RAB7A: variants seen among roughly 807,000 people sequenced by gnomAD.
RAB7A encodes the protein RAB7A, member RAS oncogene family, also known as ras-related protein Rab-7a.
Under a neutral mutation model 24.5 loss-of-function variants are expected in RAB7A, and 2 were observed. The observed-to-expected ratio is 0.08, with a 90% confidence interval of 0.03 to 0.26. RAB7A has a LOEUF of 0.26. RAB7A is among the 10% of genes least tolerant of loss of function. The probability of loss-of-function intolerance (pLI) is 1.00; values close to 1 mark genes in which losing one functional copy is unlikely to be tolerated. For missense variants in RAB7A, 118 were observed against 255.7 expected, an observed-to-expected ratio of 0.46 and a Z score of 3.67; for synonymous variants, 100 against 95.9, an observed-to-expected ratio of 1.04 and a Z score of -0.25.
chr3:128,749,971 G>A (rs561777903), intron 1 of RAB7A, among the ~76,000 whole-genome samples: 12 of 152,336 alleles, frequency 7.9e-5, no homozygotes, highest in African/African-American at 2.6e-4. Context: ...TGGGTAACAG[G>A]CAGAGATTTG....
intron 5 of RAB7A, among the ~76,000 whole-genome samples, chr3:128,811,817 C>G (rs1933933328): frequency 6.6e-6 from 1 of 151,336 alleles, no homozygotes; most frequent in African/African-American, 2.4e-5. Context: ...CCATTGCACT[C>G]CAGCCTGGGC....
In RAB7A at chr3:128,807,494, G is replaced by T. The variant is rs547411602; in HGVS notation, c.400-49G>T. ...ACTTCCTGGGGAGGATGGAGTCAGT[G>T]CTGGCTGCTTCTGTCATGAGCCTAT... On this transcript the variant is annotated intron_variant, in intron 4 of 5. Transcript: ENST00000265062. 6.4e-4 allele frequency: 1,036 copies of T among 1,612,426 alleles called. 7 individuals carry two copies. In the African/African-American group the frequency reaches 0.012, roughly 19 times the overall value.
At chr3:128,739,482 C>T (rs190842514) in intron 1 of RAB7A, among the ~76,000 whole-genome samples, 13 of 150,460 alleles carry the variant, frequency 8.6e-5, no homozygotes, top group Admixed American at 6.6e-4. Flanking sequence ...CACTGCACTC[C>T]AGCCTTGCCA....
chr3:128,733,566 G>A (rs770044357), intron 1 of RAB7A, among the ~76,000 whole-genome samples: 18 of 152,122 alleles, frequency 1.2e-4, no homozygotes, highest in Non-Finnish European at 2.4e-4. Context: ...TCAAGCTGTC[G>A]GGAGGATTAG....
intron 1 of RAB7A, among the ~76,000 whole-genome samples, chr3:128,726,795 G>A (rs920353511): frequency 6.6e-6 from 1 of 152,224 alleles, no homozygotes; most frequent in African/African-American, 2.4e-5. Context: ...GGGCCGAGCC[G>A]CGTTCCCATC....
chr3:128,741,451 C>T (rs1439462373), intron 1 of RAB7A, among the ~76,000 whole-genome samples: 1 of 152,192 alleles, frequency 6.6e-6, no homozygotes, highest in East Asian at 1.9e-4. Context: ...ATAGTTTTCC[C>T]AGTATTTTAT....
chr3:128,747,088 C>G (rs952105410), intron 1 of RAB7A, among the ~76,000 whole-genome samples: 11 of 151,388 alleles, frequency 7.3e-5, no homozygotes, highest in African/African-American at 2.7e-4. Context: ...GCAAAGATCA[C>G]TGAGGCCAGG....
intron 1 of RAB7A, among the ~76,000 whole-genome samples, chr3:128,788,708 C>T (rs1307717349): frequency 6.6e-6 from 1 of 152,180 alleles, no homozygotes; most frequent in Non-Finnish European, 1.5e-5. Flanking sequence ...CCCCAACTTC[C>T]TAGCCCTTCC....
At chr3:128,758,043 A>T (rs2070744456) in intron 1 of RAB7A, among the ~76,000 whole-genome samples, 1 of 151,866 alleles carries the variant, frequency 6.6e-6, no homozygotes, top group Admixed American at 6.6e-5. Flanking sequence ...GCTCACTCTA[A>T]CTTCAAAGTT....
At chr3:128,791,356 G>A (rs1933448660) in intron 1 of RAB7A, among the ~76,000 whole-genome samples, 1 of 152,092 alleles carries the variant, frequency 6.6e-6, no homozygotes, top group African/African-American at 2.4e-5. Context: ...GGCCAGGCTG[G>A]TCTCGAACTC....
At chr3:128,747,120 A>G (rs1223690370) in intron 1 of RAB7A, among the ~76,000 whole-genome samples, 2 of 151,248 alleles carry the variant, frequency 1.3e-5, no homozygotes, top group Non-Finnish European at 2.9e-5. Context: ...CCTGAGCAAC[A>G]TAGCAATACT....
chr3:128,737,836 T>TG (rs2070507466), intron 1 of RAB7A, among the ~76,000 whole-genome samples: 1 of 76,154 alleles, frequency 1.3e-5, no homozygotes, highest in Admixed American at 1.2e-4. Flanking sequence ...TTTTTTTTTT[T>TG]TTTTTTTTTT....
chr3:128,780,103 A>G (rs902332004), intron 1 of RAB7A, among the ~76,000 whole-genome samples: 1 of 152,198 alleles, frequency 6.6e-6, no homozygotes, highest in Non-Finnish European at 1.5e-5. Flanking sequence ...GGGGTCTGAT[A>G]TACATCTTAA....
intron 2 of RAB7A, 133 bp from the exon 3 acceptor site, chr3:128,797,810 G>T: frequency 1.0e-6 from 1 of 958,778 alleles, no homozygotes; most frequent in South Asian, 1.3e-5. Context: ...AAGGCTACTG[G>T]CATTGCCCTT....
chr3:128,759,578 T>C (rs2070760829), intron 1 of RAB7A, among the ~76,000 whole-genome samples: 1 of 152,246 alleles, frequency 6.6e-6, no homozygotes, highest in Non-Finnish European at 1.5e-5. Flanking sequence ...TGTGAAACCT[T>C]TGACATTCTG....
chr3:128,773,999 A>C (rs983678283), intron 1 of RAB7A, among the ~76,000 whole-genome samples: 26 of 150,464 alleles, frequency 1.7e-4, no homozygotes, highest in Admixed American at 1.7e-3. Flanking sequence ...TCACTTGTTT[A>C]TGTGCTGACC....
At chr3:128,726,793 C>T (rs922459379) in intron 1 of RAB7A, among the ~76,000 whole-genome samples, 1 of 152,226 alleles carries the variant, frequency 6.6e-6, no homozygotes, top group Admixed American at 6.5e-5. Context: ...GGGGGCCGAG[C>T]CGCGTTCCCA....
chr3:128,793,677 G>A (rs934713403), intron 1 of RAB7A, among the ~76,000 whole-genome samples: 1 of 152,220 alleles, frequency 6.6e-6, no homozygotes, highest in African/African-American at 2.4e-5. Flanking sequence ...TAGGGGAATA[G>A]TGGGGCTCCA....
chr3:128,810,796 G>A (rs1280805096), intron 5 of RAB7A, among the ~76,000 whole-genome samples: 1 of 152,212 alleles, frequency 6.6e-6, no homozygotes, highest in African/African-American at 2.4e-5. Context: ...GCTCATGCCT[G>A]TAATCCCAGC....
Sources: gnomAD v4.1 joint callset for allele counts (sites outside exome capture counted in the v4.1 genomes callset) on GRCh38, gnomAD v4.1.1 for gene constraint, MANE v1.5 for transcripts, NCBI Gene and HGNC (gene_info 2026-07-23, HGNC 2026-07-21) for gene names.